Variants in MED16 observed in about 807,000 individuals in gnomAD.
MED16 encodes mediator complex subunit 16.
In MED16, 81 loss-of-function variants were observed where a neutral mutation model predicts 84.4. The observed-to-expected ratio is 0.96, with a 90% CI of 0.80 to 1.15. The LOEUF (loss-of-function observed/expected upper bound fraction) is 1.15, where lower values mean the gene tolerates loss of function less well. Ranked by LOEUF, MED16 falls within the 50% of genes most tolerant of loss-of-function variation. MED16 has a pLI of 0.00. For synonymous variants in MED16, 897 were observed against 552.2 expected (o/e 1.62, Z -8.76); for missense variants, 1,585 against 1,245.9 (o/e 1.27, Z -4.10).
At chr19:870,092 C>T (rs899421492) in intron 13 of MED16, among the ~76,000 whole-genome samples, 4 of 152,304 alleles carry the variant, frequency 2.6e-5, no homozygotes, top group East Asian at 1.9e-4. Flanking sequence ...CTCTTGCCCC[C>T]GGGAGATCCT....
chr19:884,307 C>T (rs1200669734), intron 6 of MED16, among the ~76,000 whole-genome samples: 1 of 152,156 alleles, frequency 6.6e-6, no homozygotes, highest in Non-Finnish European at 1.5e-5. Context: ...CGCTCCAGCC[C>T]CAGGATTTTG....
At chr19:883,090 C>G (rs943723014) in intron 6 of MED16, among the ~76,000 whole-genome samples, 4 of 152,180 alleles carry the variant, frequency 2.6e-5, no homozygotes, top group Admixed American at 1.3e-4. Flanking sequence ...CCTCACAGCA[C>G]GATTTACATC....
intron 4 of MED16, among the ~76,000 whole-genome samples, chr19:887,036 AC>A (rs1397963507): frequency 1.3e-5 from 2 of 151,924 alleles, no homozygotes; most frequent in African/African-American, 4.8e-5. Context: ...CCGAGATCAC[AC>A]CATTACACTC....
At chr19:878,690 C>A (rs1471901911) in intron 8 of MED16, among the ~76,000 whole-genome samples, 1 of 128,142 alleles carries the variant, frequency 7.8e-6, no homozygotes, top group Non-Finnish European at 1.7e-5. Flanking sequence ...AGCCCCAACC[C>A]CACGTGCCCC....
intron 8 of MED16, among the ~76,000 whole-genome samples, chr19:879,442 G>GGTTGT (rs1306585752): frequency 1.0e-3 from 58 of 55,354 alleles, no homozygotes; most frequent in Admixed American, 1.9e-3. Flanking sequence ...AGCCCCACGT[G>GGTTGT]CCCCAGCAGC....
intron 4 of MED16, among the ~76,000 whole-genome samples, chr19:886,731 A>G (rs1056124674): frequency 3.9e-5 from 6 of 152,370 alleles, no homozygotes; most frequent in Non-Finnish European, 7.3e-5. Context: ...TTGTCAAGTC[A>G]TTATTGACAT....
In MED16 at chr19:877,023, A is replaced by T; in HGVS notation, c.1511T>A (p.Val504Glu). The change falls in exon 9 of 16, where the codon GTG (valine) becomes GAG (glutamate). Residue 504 changes from valine to glutamate, a missense_variant. By Grantham distance (121) the Val-to-Glu change is moderately radical (BLOSUM62 -2). Transcript: ENST00000325464. ...HVQPSMVQSL[V>E]EKLHEEYTRQ... ...CGTGTACTCCTCGTGCAGCTTCTCC[A>T]CCAGGCTCTGTACCATACTGGGCTG... is the stretch of plus-strand genomic sequence containing the variant. The T allele has an allele frequency of 6.2e-7, 1 of 1,612,238 alleles. No homozygotes were observed. Among genetic ancestry groups the T allele is most frequent in the Non-Finnish European group, 8.5e-7 (1 of 1,179,764 alleles).
At chr19:871,500 T>C (rs1413512236) in intron 12 of MED16, 1 of 1,504,564 alleles carries the variant, frequency 6.6e-7, no homozygotes, top group African/African-American at 1.4e-5. Context: ...ACTTAAAAAG[T>C]ATGTGGGAAG....
intron 8 of MED16, among the ~76,000 whole-genome samples, chr19:878,305 C>G (rs1599329812): frequency 3.4e-5 from 4 of 118,282 alleles, no homozygotes; most frequent in South Asian, 3.1e-4. Context: ...GCCCACCAGC[C>G]CCAGCCCCAC....
intron 2 of MED16, among the ~76,000 whole-genome samples, chr19:890,614 A>G (rs1441911167): frequency 6.6e-6 from 1 of 152,184 alleles, no homozygotes; most frequent in African/African-American, 2.4e-5. Flanking sequence ...CAAACAATGG[A>G]GAGAAGACGG....
chr19:868,536 C>T (rs780954977), intron 14 of MED16, 37 bp from the exon 15 acceptor site: 2 of 1,603,166 alleles, frequency 1.2e-6, no homozygotes, highest in African/African-American at 1.3e-5. Flanking sequence ...TTCCCACTTC[C>T]AGGCGGGCCT....
intron 11 of MED16, among the ~76,000 whole-genome samples, chr19:872,637 GAC>G (rs1460536928): frequency 1.3e-5 from 2 of 149,150 alleles, no homozygotes; most frequent in African/African-American, 4.9e-5. Flanking sequence ...GCTGGGGCAG[GAC>G]AGAGTGTACC....
rs372016928 is a variant in MED16, at chr19:890,125, C to G, written c.277+12G>C. 3 of 1,541,090 alleles carry G rather than the reference C, an allele frequency of 1.9e-6. No homozygotes were observed. The African/African-American group carries it at 4.1e-5, about 21-fold the overall frequency. On this transcript the variant is annotated intron_variant, in intron 3 of 15. Transcript: ENST00000325464. ...GGTCGCCACCCCTGGCCACGTGGGA[C>G]CAGCGCCTCACCTGACTGGTCCCAC...
Position 868,461 on chromosome 19 carries a change from G to A in MED16, c.2438C>T (p.Thr813Ile). Reference sequence around the variant, plus strand: ...CTGCTCCCACTGCTTCACCGCCGTGGTTCTGTTGGGCGACTTGAGCATGGT... The same window carrying A: ...CTGCTCCCACTGCTTCACCGCCGTGATTCTGTTGGGCGACTTGAGCATGGT... ...CVTMLKSPNR[T>I]TAVKQWEQRW... Residue 813 changes from threonine (T) to isoleucine (I), a missense_variant, in exon 15 of 16, where the codon ACC (threonine) becomes ATC (isoleucine). Coordinates refer to ENST00000325464, the MANE Select transcript of MED16 (RefSeq NM_005481.3). 1 of 1,611,122 alleles carries A rather than the reference G, an allele frequency of 6.2e-7. No individual in the cohort carries two copies. The highest frequency in any genetic ancestry group is 8.5e-7 in the Non-Finnish European group (1 of 1,179,890).
In MED16 at chr19:875,471, A is replaced by T; in HGVS notation, c.1561-17T>A. The T allele has an allele frequency of 6.3e-7, 1 of 1,590,146 alleles. No homozygotes were observed. ...GGAGAGGACCTGAGGGCAGGAAGCC[A>T]GGTCACCCCAAGGGGCCGGAGCAGA... On this transcript the variant is annotated splice_polypyrimidine_tract_variant and intron_variant, in intron 9 of 15. Coordinates refer to ENST00000325464, the MANE Select transcript of MED16 (RefSeq NM_005481.3).
chr19:873,214 G>A (rs1418541974), intron 11 of MED16, among the ~76,000 whole-genome samples: 2 of 144,140 alleles, frequency 1.4e-5, no homozygotes, highest in African/African-American at 5.2e-5. Flanking sequence ...TTTAAGAAGA[G>A]ACAGACTCAG....
chr19:872,368 C>A (rs562998150), intron 11 of MED16, among the ~76,000 whole-genome samples: 1 of 152,000 alleles, frequency 6.6e-6, no homozygotes, highest in Non-Finnish European at 1.5e-5. Context: ...AAGACTAAGA[C>A]GAGGCTCTGG....
chr19:880,122 T>C lies in MED16; in HGVS notation c.1168A>G (p.Ser390Gly), dbSNP rs1307196008. ...GAGAGCCGGTGCACGATGTGGACGCTGCCGTCGTGGAAGGCCAGGGCCAGC... is the reference window on the plus strand; with the variant it reads ...GAGAGCCGGTGCACGATGTGGACGCCGCCGTCGTGGAAGGCCAGGGCCAGC... ...LGLALAFHDG[S>G]VHIVHRLSLQ... Residue 390 changes from serine to glycine, a missense_variant, in exon 8 of 16, where the codon AGC (serine) becomes GGC (glycine). By Grantham distance (56) the Ser-to-Gly change is moderately conservative. Transcript: ENST00000325464. 2 of 1,609,696 alleles carry C rather than the reference T, an allele frequency of 1.2e-6. No homozygotes were observed. Among genetic ancestry groups the C allele is most frequent in the Admixed American group, 1.7e-5 (1 of 59,906 alleles).
chr19:877,161 G>A lies in MED16; in HGVS notation c.1373C>T (p.Ser458Leu), dbSNP rs1051679287. ...SHGKLSVLRL[S>L]PSMGHPLEVG... ...CTCCAGCGGGTGGCCCATGGAAGGT[G>A]AGAGGCGGAGCACGCTCAGCTGCCA... The change falls in exon 9 of 16, where the codon TCA becomes TTA. Residue 458 changes from serine to leucine, a missense_variant. Ser to Leu is a moderately radical substitution (Grantham distance 145, BLOSUM62 -2). Coordinates refer to ENST00000325464, the MANE Select transcript of MED16 (RefSeq NM_005481.3). 3.7e-6 allele frequency: 6 copies of A among 1,610,792 alleles called. No homozygotes were observed. Among genetic ancestry groups the A allele is most frequent in the Non-Finnish European group, 4.2e-6 (5 of 1,179,290 alleles).
Sources: allele counts gnomAD v4.1 joint callset (sites outside exome capture counted in the v4.1 genomes callset), GRCh38; gene constraint gnomAD v4.1.1; transcripts MANE v1.5; gene names NCBI Gene and HGNC (gene_info 2026-07-23, HGNC 2026-07-21).